The following RBM6 variants were observed in gnomAD, a reference collection of about 807,000 sequenced individuals.
RBM6 encodes RNA binding motif protein 6.
Under a neutral mutation model 140.4 loss-of-function variants are expected in RBM6, and 23 were observed. That is an observed-to-expected ratio of 0.16 (90% confidence interval 0.12 to 0.23). RBM6 has a LOEUF of 0.23. Among genes scored for constraint, RBM6 ranks in the 10% least tolerant of loss-of-function variants. The pLI is 1.00. For missense variants in RBM6, 1,139 were observed against 1,386.7 expected (o/e 0.82, Z 2.84); for synonymous variants, 439 against 475.6 (o/e 0.92, Z 1.00).
chr3:50,043,509 A>C (rs574273192), intron 6 of RBM6, among the ~76,000 whole-genome samples: 2 of 149,630 alleles, frequency 1.3e-5, no homozygotes, highest in African/African-American at 4.9e-5. Context: ...AGAGAGATCT[A>C]TCTCTCTTCT....
intron 20 of RBM6, among the ~76,000 whole-genome samples, chr3:50,076,462 A>G (rs1483646353): frequency 2.0e-5 from 3 of 151,666 alleles, no homozygotes; most frequent in African/African-American, 4.8e-5. Context: ...CGCGCCTGTA[A>G]TCACAGCTAC....
chr3:49,982,818 A>G (rs1367388423), intron 5 of RBM6, among the ~76,000 whole-genome samples: 4 of 151,336 alleles, frequency 2.6e-5, no homozygotes, highest in South Asian at 2.1e-4. Flanking sequence ...CCTGAGTTCA[A>G]TTCTCCTGCC....
Position 49,946,483 on chromosome 3 carries a change from G to A in RBM6, c.-67+6258G>A, listed in dbSNP as rs377034075. Among the ~76,000 whole-genome samples the A allele has an allele frequency of 1.4e-4, 21 of 152,064 alleles. No individual in the cohort carries two copies. In the East Asian group the frequency reaches 2.3e-3, roughly 17 times the overall value. On this transcript the variant is annotated intron_variant, in intron 1 of 20. Coordinates refer to ENST00000266022, the MANE Select transcript of RBM6 (RefSeq NM_005777.3). ...TTGAACTCCTGACGTCAGGTGACCC[G>A]CCAGCCTTGGCCTCCCAAAGTGTTG...
chr3:50,059,783 C>T (rs191156009), intron 11 of RBM6, 37 bp downstream of exon 11: 3 of 1,534,108 alleles, frequency 2.0e-6, no homozygotes, highest in Non-Finnish European at 2.7e-6. Context: ...GTGCTGCCCC[C>T]ACTTGTGTTT....
Position 49,962,665 on chromosome 3 carries a change from T to G in RBM6, c.24T>G (p.Ala8=). Residue 8 remains alanine, a synonymous_variant, in exon 2 of 21, where the codon GCT becomes GCG. Coordinates refer to ENST00000266022, the MANE Select transcript of RBM6 (RefSeq NM_005777.3). Reference sequence around the variant, plus strand: ...AGATGTGGGGGGATTCTCGACCTGCTAACAGAACTGGACCTTTTCGGTAAG... The same window carrying G: ...AGATGTGGGGGGATTCTCGACCTGCGAACAGAACTGGACCTTTTCGGTAAG... MWGDSRP[A]NRTGPFRGSQ... The G allele has an allele frequency of 6.3e-7, 1 of 1,579,704 alleles. No individual in the cohort carries two copies. Among genetic ancestry groups the G allele is most frequent in the East Asian group, 2.3e-5 (1 of 42,874 alleles).
rs116606483 is a variant in RBM6 at position 50,022,072 on chromosome 3, A to G, written c.1557+22559A>G. On this transcript the variant is annotated intron_variant, in intron 6 of 20. Coordinates refer to ENST00000266022, the MANE Select transcript of RBM6 (RefSeq NM_005777.3). ...CTGTCTCAAAAAGGAAAAAAAAGAAATCAGCATATTTTATGACTTAATAAA... is the reference window on the plus strand; with the variant it reads ...CTGTCTCAAAAAGGAAAAAAAAGAAGTCAGCATATTTTATGACTTAATAAA... Among the ~76,000 whole-genome samples the G allele has an allele frequency of 6.1e-3, 935 of 152,148 alleles. 4 individuals are homozygous for G. Among genetic ancestry groups the G allele is most frequent in the Non-Finnish European group, 0.01 (712 of 68,000 alleles).
chr3:49,946,558 C>T (rs1180858200), intron 1 of RBM6, among the ~76,000 whole-genome samples: 1 of 151,122 alleles, frequency 6.6e-6, no homozygotes, highest in Admixed American at 6.6e-5. Flanking sequence ...TTTTTTGAGA[C>T]AGAGTCTCAC....
Position 49,967,104 on chromosome 3 carries a change from G to A in RBM6, c.45-366G>A. ...TATAGGAATCGTCATGTTGACCTTG[G>A]AATTCTTAAGTTCCCTGGCTGTAGG... On this transcript the variant is annotated intron_variant, in intron 2 of 20. Coordinates refer to ENST00000266022, the MANE Select transcript of RBM6 (RefSeq NM_005777.3). The surrounding 1 kb of genome is among the most constrained non-coding windows in gnomAD (Gnocchi z 4.0). The A allele has an allele frequency of 2.1e-6, 1 of 466,966 alleles. No homozygotes were observed. Among genetic ancestry groups the A allele is most frequent in the Non-Finnish European group, 2.9e-6 (1 of 342,720 alleles). 28.9% of individuals were successfully genotyped at this position (466,966 alleles called of 1,614,324 possible). A position where few individuals can be genotyped will look rare whatever the true frequency, so the allele number is the denominator to read the frequency against.
At chr3:50,040,759 C>T (rs1274949074) in intron 6 of RBM6, among the ~76,000 whole-genome samples, 3 of 151,554 alleles carry the variant, frequency 2.0e-5, no homozygotes, top group Admixed American at 6.6e-5. Flanking sequence ...CAGGTTCAAG[C>T]AACCCTCCCA....
intron 18 of RBM6, 73 bp from the exon 19 acceptor site, chr3:50,070,382 A>G (rs897551703): frequency 2.3e-5 from 24 of 1,028,270 alleles, no homozygotes; most frequent in African/African-American, 1.7e-4. Flanking sequence ...AATAACAGCA[A>G]TGGGGTAGAA....
Position 50,068,760 on chromosome 3 carries a change from G to A in RBM6, c.3014G>A (p.Arg1005Gln), listed in dbSNP as rs746681545. Residue 1005 changes from arginine to glutamine, a missense_variant, in exon 18 of 21, where the codon CGA becomes CAA. Arg to Gln is a conservative substitution (Grantham distance 43). This residue lies in a region of RBM6 where 40 missense variants were observed against 80.1 expected (regional missense o/e 0.50). Transcript: ENST00000266022. ...CTAGCCTATCTGGAAAGGAGAGAAC[G>A]AGAGGTAAACTTTGGTGACCTATTA... ...QELAYLERRE[R>Q]EGKFKGRGND... The A allele has an allele frequency of 4.3e-6, 7 of 1,613,772 alleles. No homozygotes were observed. The highest frequency in any genetic ancestry group is 1.1e-5 in the South Asian group (1 of 91,054).
At chr3:50,007,910 A>C (rs983460628) in intron 6 of RBM6, among the ~76,000 whole-genome samples, 35 of 152,224 alleles carry the variant, frequency 2.3e-4, no homozygotes, top group Non-Finnish European at 7.3e-5. Flanking sequence ...GCCATGTAGG[A>C]AATCTAGCCT....
chr3:49,969,483 A>AT (rs2084680803), intron 3 of RBM6, among the ~76,000 whole-genome samples: 1 of 146,994 alleles, frequency 6.8e-6, no homozygotes, highest in African/African-American at 2.5e-5. Flanking sequence ...ATATATGAAT[A>AT]TATATGTATA....
At position 50,066,271 on chromosome 3, in the gene RBM6, C is replaced by T; in HGVS notation, c.2712C>T (p.Leu904=). ...AAGTGGTAAACCCACTGATCGGCCT[C>T]TTGGGTGAATATGGAGGAGACAGTG... ...PPKVVNPLIG[L]LGEYGGDSDY... is the part of the protein sequence containing the mutation. Residue 904 remains leucine, a synonymous_variant, in exon 17 of 21, where the codon CTC becomes CTT. Coordinates refer to ENST00000266022, the MANE Select transcript of RBM6 (RefSeq NM_005777.3). The T allele has an allele frequency of 6.2e-7, 1 of 1,614,090 alleles. No individual in the cohort carries two copies. Among genetic ancestry groups the T allele is most frequent in the Non-Finnish European group, 8.5e-7 (1 of 1,180,020 alleles).
rs374370719 is a variant in RBM6 at position 50,074,876 on chromosome 3, T to C, written c.3117-325T>C. ...CAAAATGATGGTGTCAGGTTGGGCA[T>C]GGTGGCTCATGCCTGTAATCCAGCA... On this transcript the variant is annotated intron_variant, in intron 19 of 20. Transcript: ENST00000266022. Among the ~76,000 whole-genome samples, 18 of 152,104 alleles carry C rather than the reference T, an allele frequency of 1.2e-4. No homozygotes were observed. The East Asian group carries it at 2.3e-3, about 20-fold the overall frequency.
chr3:50,055,773 A>G (rs994243667), intron 8 of RBM6, among the ~76,000 whole-genome samples: 1 of 152,222 alleles, frequency 6.6e-6, no homozygotes, highest in Non-Finnish European at 1.5e-5. Context: ...AAAAACATAA[A>G]TAGGAGAAAA....
chr3:50,047,429 A>G, intron 6 of RBM6: 1 of 697,802 alleles, frequency 1.4e-6, no homozygotes, highest in South Asian at 6.5e-5. Context: ...TATTAAACAA[A>G]ACTTTATTTT....
intron 17 of RBM6, among the ~76,000 whole-genome samples, chr3:50,067,735 A>G (rs1054023635): frequency 3.3e-5 from 5 of 152,228 alleles, no homozygotes; most frequent in African/African-American, 1.2e-4. Flanking sequence ...ATGGACTCAC[A>G]TTCTCAGAGC....
intron 7 of RBM6, 118 bp from the exon 8 acceptor site, chr3:50,054,217 T>C (rs1159767186): frequency 1.5e-5 from 12 of 822,210 alleles, no homozygotes; most frequent in Non-Finnish European, 2.3e-5. Context: ...TTTTTTAAGC[T>C]TTGAGGGGAT....
Sources: gnomAD v4.1 joint callset for allele counts (sites outside exome capture counted in the v4.1 genomes callset) on GRCh38, gnomAD v4.1.1 for gene constraint, gnomAD v4.1.1 regional missense constraint, Gnocchi (gnomAD v3.1) non-coding constraint, MANE v1.5 for transcripts, NCBI Gene and HGNC (gene_info 2026-07-23, HGNC 2026-07-21) for gene names.